CDH12: variants seen among roughly 807,000 people sequenced by gnomAD.
CDH12 encodes the protein cadherin 12.
In CDH12, 41 loss-of-function variants were observed where a neutral mutation model predicts 74.1. That is an observed-to-expected ratio of 0.55 (90% CI 0.43 to 0.72). The LOEUF is 0.72. Ranked by LOEUF, CDH12 falls within the 30% of genes least tolerant of loss-of-function variation. The pLI is 0.00. For synonymous variants in CDH12, 399 were observed against 355.0 expected (o/e 1.12, Z -1.39); for missense variants, 945 against 977.2 (o/e 0.97, Z 0.44).
In CDH12 at chr5:21,817,030, T is replaced by C. The variant is rs1449487816; in HGVS notation, c.917A>G (p.Tyr306Cys). ...TCCCCCATCTCCTGGAACAATATTG[T>C]ATTCAATTTCTGCATTTTGTCCAAA... The part of the protein sequence containing the change: ...PDFGQNAEIE[Y>C]NIVPGDGGNL... Residue 306 changes from tyrosine to cysteine, a missense_variant, in exon 9 of 15, where the codon TAC becomes TGC. Tyr to Cys is a radical substitution (Grantham distance 194). This residue lies in a region of CDH12 where 791 missense variants were observed against 792.8 expected (regional missense o/e 1.00). Coordinates refer to ENST00000382254, the MANE Select transcript of CDH12 (RefSeq NM_004061.5). The C allele has an allele frequency of 6.2e-7, 1 of 1,612,382 alleles. No homozygotes were observed. The highest frequency in any genetic ancestry group is 1.3e-5 in the African/African-American group (1 of 74,870).
At chr5:22,646,904 A>C (rs1349280819) in intron 1 of CDH12, among the ~76,000 whole-genome samples, 3 of 151,960 alleles carry the variant, frequency 2.0e-5, no homozygotes, top group Non-Finnish European at 4.4e-5. Flanking sequence ...AAAACTAGTC[A>C]CACATTTAAT....
At chr5:22,040,890 G>A (rs1233737527) in intron 5 of CDH12, among the ~76,000 whole-genome samples, 7 of 151,916 alleles carry the variant, frequency 4.6e-5, no homozygotes, top group Admixed American at 4.6e-4. Context: ...TAAATATGTG[G>A]CCAAATTGAG....
intron 2 of CDH12, among the ~76,000 whole-genome samples, chr5:22,435,937 C>G (rs541891139): frequency 6.6e-6 from 1 of 151,734 alleles, no homozygotes; most frequent in Non-Finnish European, 1.5e-5. Context: ...TTCCCCCCAC[C>G]CATCATGGTG....
chr5:21,926,976 C>T (rs371093792), intron 6 of CDH12, among the ~76,000 whole-genome samples: 43 of 152,236 alleles, frequency 2.8e-4, no homozygotes, highest in African/African-American at 9.6e-4. Context: ...ATTTTCTAGG[C>T]CAGCAGTTGA....
At chr5:22,813,888 A>G (rs1019547159) in intron 1 of CDH12, among the ~76,000 whole-genome samples, 7 of 152,290 alleles carry the variant, frequency 4.6e-5, no homozygotes, top group Admixed American at 2.6e-4. Flanking sequence ...CTCTGCAGCA[A>G]AGGACCCAGC....
intron 2 of CDH12, among the ~76,000 whole-genome samples, chr5:22,497,772 G>A (rs1201447490): frequency 2.0e-5 from 3 of 148,212 alleles, no homozygotes; most frequent in African/African-American, 7.5e-5. Context: ...CCTCCTAAGT[G>A]GCTGGAATTA....
chr5:22,503,452 T>G (rs1381066122), intron 2 of CDH12, among the ~76,000 whole-genome samples: 1 of 152,094 alleles, frequency 6.6e-6, no homozygotes, highest in African/African-American at 2.4e-5. Context: ...ATATTCATTG[T>G]TCTTGATTAT....
intron 6 of CDH12, among the ~76,000 whole-genome samples, chr5:21,927,893 C>T (rs548905184): frequency 6.6e-6 from 1 of 151,932 alleles, no homozygotes; most frequent in South Asian, 2.1e-4. Flanking sequence ...CACGGTGAAA[C>T]CCCGTCTCTA....
intron 2 of CDH12, among the ~76,000 whole-genome samples, chr5:22,414,674 A>G (rs1434986308): frequency 6.6e-6 from 1 of 151,828 alleles, no homozygotes; most frequent in Non-Finnish European, 1.5e-5. Flanking sequence ...ATTTTATTGA[A>G]TTACTGATTC....
intron 1 of CDH12, among the ~76,000 whole-genome samples, chr5:22,551,800 G>A (rs1031114256): frequency 6.6e-6 from 1 of 152,002 alleles, no homozygotes; most frequent in Non-Finnish European, 1.5e-5. Flanking sequence ...AATAGATAAG[G>A]CTAGCAATCC....
intron 1 of CDH12, among the ~76,000 whole-genome samples, chr5:22,606,489 T>G (rs1737125399): frequency 6.6e-6 from 1 of 152,178 alleles, no homozygotes; most frequent in Non-Finnish European, 1.5e-5. Context: ...GCTGTTCTCA[T>G]GATAGTGAGT....
intron 2 of CDH12, among the ~76,000 whole-genome samples, chr5:22,499,019 T>C (rs1747226568): frequency 6.7e-6 from 1 of 149,182 alleles, no homozygotes; most frequent in South Asian, 2.2e-4. Flanking sequence ...TTCTCCTGCC[T>C]CAGCCTCTCA....
chr5:21,863,072 G>T (rs1331584981), intron 6 of CDH12, among the ~76,000 whole-genome samples: 1 of 152,112 alleles, frequency 6.6e-6, no homozygotes, highest in Non-Finnish European at 1.5e-5. Context: ...AGCTCTAAGG[G>T]GTTTCTATCC....
intron 3 of CDH12, among the ~76,000 whole-genome samples, chr5:22,231,672 C>T (rs907132377): frequency 6.6e-6 from 1 of 151,864 alleles, no homozygotes; most frequent in Non-Finnish European, 1.5e-5. Context: ...GTTTCTAAAT[C>T]ATAAATTATA....
chr5:22,617,036 TTG>T (rs1326514215), intron 1 of CDH12, among the ~76,000 whole-genome samples: 1 of 151,980 alleles, frequency 6.6e-6, no homozygotes, highest in Non-Finnish European at 1.5e-5. Context: ...AGCTAATTTT[TTG>T]TGTTTTTAAT....
chr5:22,711,874 AC>A (rs1743306556), intron 1 of CDH12, among the ~76,000 whole-genome samples: 1 of 152,124 alleles, frequency 6.6e-6, no homozygotes, highest in South Asian at 2.1e-4. Flanking sequence ...GGCATTCATT[AC>A]AAAATCAAGT....
At chr5:22,417,917 G>C (rs1201637077) in intron 2 of CDH12, among the ~76,000 whole-genome samples, 1 of 151,950 alleles carries the variant, frequency 6.6e-6, no homozygotes, top group Non-Finnish European at 1.5e-5. Flanking sequence ...CATGGTTTTG[G>C]GATACCATAC....
intron 5 of CDH12, among the ~76,000 whole-genome samples, chr5:22,023,852 G>A (rs1189150471): frequency 6.6e-6 from 1 of 152,114 alleles, no homozygotes; most frequent in Non-Finnish European, 1.5e-5. Context: ...AGTAACCCAA[G>A]TTAGAGCCAA....
intron 3 of CDH12, among the ~76,000 whole-genome samples, chr5:22,399,977 C>T (rs1742645645): frequency 6.6e-6 from 1 of 152,114 alleles, no homozygotes; most frequent in African/African-American, 2.4e-5. Context: ...CTGGCCTGAC[C>T]AGAGAACAAT....
Sources: allele counts gnomAD v4.1 joint callset (sites outside exome capture counted in the v4.1 genomes callset), GRCh38; gene constraint gnomAD v4.1.1; regional missense constraint gnomAD v4.1.1; transcripts MANE v1.5; gene names NCBI Gene and HGNC (gene_info 2026-07-23, HGNC 2026-07-21).